The following PRMT8 variants were observed in gnomAD, a reference collection of about 807,000 sequenced individuals.
PRMT8 encodes the protein protein arginine methyltransferase 8, also known as protein arginine N-methyltransferase 8.
Under a neutral mutation model 47.1 loss-of-function variants are expected in PRMT8, and 7 were observed. That is an observed-to-expected ratio of 0.15 (90% CI 0.08 to 0.28). The LOEUF (loss-of-function observed/expected upper bound fraction) is 0.28, where lower values mean the gene tolerates loss of function less well. Among genes scored for constraint, PRMT8 ranks in the 10% least tolerant of loss-of-function variants. PRMT8 has a pLI of 1.00. For missense variants in PRMT8, 237 were observed against 505.4 expected, an observed-to-expected ratio of 0.47 and a Z score of 5.09; for synonymous variants, 188 against 186.5, an observed-to-expected ratio of 1.01 and a Z score of -0.07.
At chr12:3,413,017 C>G in intron 1 of PRMT8, among the ~76,000 whole-genome samples, 1 of 152,128 alleles carries the variant, frequency 6.6e-6, no homozygotes. Context: ...TTTTTGAGTT[C>G]TAAACATTGT....
intron 1 of PRMT8, among the ~76,000 whole-genome samples, chr12:3,464,953 T>C (rs1460814161): frequency 6.6e-6 from 1 of 151,634 alleles, no homozygotes; most frequent in Admixed American, 6.6e-5. Flanking sequence ...AGAGAAACCC[T>C]GTCTCTACTA....
intron 1 of PRMT8, among the ~76,000 whole-genome samples, chr12:3,520,744 T>C (rs1865869251): frequency 6.6e-6 from 1 of 152,242 alleles, no homozygotes. Flanking sequence ...GTAAATTATA[T>C]GCTCTTAGCC....
chr12:3,428,016 T>C (rs1864624507), intron 1 of PRMT8, among the ~76,000 whole-genome samples: 1 of 152,236 alleles, frequency 6.6e-6, no homozygotes. Context: ...TCCTTTGCTG[T>C]TAATAAGATC....
chr12:3,472,235 G>A (rs1178192409), intron 1 of PRMT8, among the ~76,000 whole-genome samples: 1 of 152,222 alleles, frequency 6.6e-6, no homozygotes, highest in African/African-American at 2.4e-5. Flanking sequence ...CTGTGAAATG[G>A]CTTCCCCAGG....
Position 3,491,783 on chromosome 12 carries a change from G to A in PRMT8, c.75+83G>A, listed in dbSNP as rs1335436968. The A allele has an allele frequency of 1.9e-5, 29 of 1,523,472 alleles. 1 individual carries two copies. The East Asian group carries it at 5.7e-4, about 30-fold the overall frequency. 94.4% of individuals were successfully genotyped at this position (1,523,472 alleles called of 1,614,324 possible). A position where few individuals can be genotyped will look rare whatever the true frequency, so the allele number is the denominator to read the frequency against. ...CGCCGCCGCCGCCGCTCAGCGCCGA[G>A]TGCCAAACTTTCCCCAGTTTCATCC... On this transcript the variant is annotated intron_variant, in intron 1 of 9. Coordinates refer to ENST00000382622, the MANE Select transcript of PRMT8 (RefSeq NM_019854.5).
Position 3,564,358 on chromosome 12 carries a change from G to T in PRMT8, c.482-4348G>T, listed in dbSNP as rs1033444612. Among the ~76,000 whole-genome samples, 2 of 152,184 alleles carry T rather than the reference G, an allele frequency of 1.3e-5. No homozygotes were observed. The highest frequency in any genetic ancestry group is 1.5e-5 in the Non-Finnish European group (1 of 68,038). Reference sequence around the variant, plus strand: ...CGGGCATCAGCTGACCCTGATGGATGCACTGGAGGCTCAAATGAGGTTGAG... The same window carrying T: ...CGGGCATCAGCTGACCCTGATGGATTCACTGGAGGCTCAAATGAGGTTGAG... On this transcript the variant is annotated intron_variant, in intron 4 of 9. Coordinates refer to ENST00000382622, the MANE Select transcript of PRMT8 (RefSeq NM_019854.5). This position sits in a 1 kb window ranked among gnomAD's most constrained non-coding sequence, Gnocchi z 4.0.
intron 9 of PRMT8, among the ~76,000 whole-genome samples, chr12:3,592,626 A>C (rs891780499): frequency 6.6e-6 from 1 of 152,098 alleles, no homozygotes; most frequent in African/African-American, 2.4e-5. Flanking sequence ...GGGGCTTTCA[A>C]ATAAATGGGT....
rs920985888 is a variant in PRMT8, at chr12:3,492,303, G to A, written c.75+603G>A. The stretch of plus-strand genomic sequence containing the variant: ...CGGCCCAGATCTGGGCCAGAGAGAA[G>A]TCTGCAATCCTCAGATATCAGAGCC... On this transcript the variant is annotated intron_variant, in intron 1 of 9. Transcript: ENST00000382622. The surrounding 1 kb of genome is among the most constrained non-coding windows in gnomAD (Gnocchi z 7.5). Among the ~76,000 whole-genome samples the A allele has an allele frequency of 9.9e-5, 15 of 152,020 alleles. No homozygotes were observed. Among genetic ancestry groups the A allele is most frequent in the Admixed American group, 6.5e-4 (10 of 15,276 alleles).
At chr12:3,483,511 G>T (rs1378711422) in intron 1 of PRMT8, among the ~76,000 whole-genome samples, 1 of 152,078 alleles carries the variant, frequency 6.6e-6, no homozygotes, top group Non-Finnish European at 1.5e-5. Flanking sequence ...GAGACTTGAG[G>T]TTGAGAGGTA....
At chr12:3,545,249 G>A (rs534921436) in intron 2 of PRMT8, among the ~76,000 whole-genome samples, 2 of 152,310 alleles carry the variant, frequency 1.3e-5, no homozygotes, top group South Asian at 2.1e-4. Flanking sequence ...ATCTGAATGC[G>A]GGAATTTGGG....
rs1203239140 is a variant in PRMT8, at chr12:3,409,553, G to T, written c.48+28111G>T. 6.8e-6 allele frequency among the ~76,000 whole-genome samples: 1 copy of T among 147,552 alleles called. No individual in the cohort carries two copies. The highest frequency in any genetic ancestry group is 2.6e-5 in the African/African-American group (1 of 38,394). ...TGACTCTATTCATCGAGGAGGTGGG[G>T]TGCTTCAGCAGCTCCGAATCTGGGG... On this transcript the variant is annotated intron_variant, in intron 1 of 9. Coordinates refer to the PRMT8 transcript ENST00000452611. This position sits in a 1 kb window ranked among gnomAD's most constrained non-coding sequence, Gnocchi z 4.4.
At chr12:3,533,311 A>T (rs1026757674) in intron 1 of PRMT8, among the ~76,000 whole-genome samples, 1 of 152,204 alleles carries the variant, frequency 6.6e-6, no homozygotes, top group Non-Finnish European at 1.5e-5. Context: ...CCACATGCAG[A>T]AGACAACACC....
intron 1 of PRMT8, among the ~76,000 whole-genome samples, chr12:3,507,723 C>T (rs1417818728): frequency 6.0e-5 from 9 of 151,028 alleles, no homozygotes; most frequent in African/African-American, 1.9e-4. Context: ...ATAGCACATA[C>T]TATTCCTTTT....
intron 1 of PRMT8, among the ~76,000 whole-genome samples, chr12:3,529,600 TATA>T (rs1865996616): frequency 6.6e-6 from 1 of 152,188 alleles, no homozygotes; most frequent in Admixed American, 6.5e-5. Context: ...TGAGTGGAAA[TATA>T]ATCATTTGGA....
At chr12:3,511,113 TA>T (rs1370562368) in intron 1 of PRMT8, among the ~76,000 whole-genome samples, 1 of 151,980 alleles carries the variant, frequency 6.6e-6, no homozygotes, top group African/African-American at 2.4e-5. Context: ...GTGCAGATCT[TA>T]CATTTTGCTC....
At chr12:3,579,346 G>T (rs1401511548) in intron 7 of PRMT8, among the ~76,000 whole-genome samples, 1 of 152,082 alleles carries the variant, frequency 6.6e-6, no homozygotes, top group Non-Finnish European at 1.5e-5. Flanking sequence ...TTGCACTGCC[G>T]GACACGTCAG....
intron 4 of PRMT8, among the ~76,000 whole-genome samples, chr12:3,558,316 G>A (rs760800428): frequency 3.3e-5 from 5 of 151,338 alleles, no homozygotes; most frequent in African/African-American, 7.3e-5. Context: ...GAAAAGGTGC[G>A]CACACAGCCG....
At chr12:3,475,705 A>T (rs1309812550) in intron 1 of PRMT8, among the ~76,000 whole-genome samples, 3 of 151,818 alleles carry the variant, frequency 2.0e-5, no homozygotes, top group Admixed American at 1.3e-4. Context: ...CCTTGTCCTG[A>T]AAGGGCCTGA....
chr12:3,537,463 G>T lies in PRMT8; in HGVS notation c.76-3143G>T, dbSNP rs1866139005. 2.0e-5 allele frequency among the ~76,000 whole-genome samples: 3 copies of T among 152,094 alleles called. No homozygotes were observed. In the South Asian group the frequency reaches 6.2e-4, roughly 32 times the overall value. On this transcript the variant is annotated intron_variant, in intron 1 of 9. Transcript: ENST00000382622. The stretch of plus-strand genomic sequence containing the variant: ...CACATATGTTAAAACGTACTTCTCG[G>T]TTTATCATTTGCCTTTTAATTTTGT...
Sources: allele counts gnomAD v4.1 joint callset (sites outside exome capture counted in the v4.1 genomes callset), GRCh38; gene constraint gnomAD v4.1.1; non-coding constraint Gnocchi (gnomAD v3.1); transcripts MANE v1.5; gene names NCBI Gene and HGNC (gene_info 2026-07-23, HGNC 2026-07-21).